The following DCDC2 variants were observed in gnomAD, a reference collection of about 807,000 sequenced individuals.
DCDC2 encodes doublecortin domain containing 2.
In DCDC2, 40 loss-of-function variants were observed where a neutral mutation model predicts 50.2. The ratio of observed to expected loss-of-function variants is 0.80; its 90% CI spans 0.62 to 1.04. DCDC2 has a LOEUF of 1.04. Among genes scored for constraint, DCDC2 ranks in the 50% least tolerant of loss-of-function variants. DCDC2 has a pLI of 0.00. For synonymous variants in DCDC2, 234 were observed against 210.6 expected (o/e 1.11, Z -0.96); for missense variants, 570 against 581.9 (o/e 0.98, Z 0.21).
Position 24,210,016 on chromosome 6 carries a change from CA to C in DCDC2, c.923-4915del, listed in dbSNP as rs1342318453. Among the ~76,000 whole-genome samples the C allele has an allele frequency of 4.7e-5, 5 of 105,866 alleles. No individual in the cohort carries two copies. In the South Asian group the frequency reaches 1.2e-3, roughly 25 times the overall value. The allele number at this position is 105,866 out of a possible 152,430, so 69.5% of individuals were successfully genotyped here. A position where few individuals can be genotyped will look rare whatever the true frequency, so the allele number is the denominator to read the frequency against. On this transcript the variant is annotated intron_variant, in intron 7 of 9. Coordinates refer to ENST00000378454, the MANE Select transcript of DCDC2 (RefSeq NM_016356.5). ...TTAGCAGCTTTTAATGCAGCAGTAT[CA>C]GGGTGTGTGTGTGTGTGTGTGTGTG...
At chr6:24,368,952 G>A in the DCDC2 span, among the ~76,000 whole-genome samples, 1 of 152,068 alleles carries the variant, frequency 6.6e-6, no homozygotes, top group Non-Finnish European at 1.5e-5. Flanking sequence ...TGGCCAACAT[G>A]GCGAAACCCC....
chr6:24,377,700 A>C, the DCDC2 span, among the ~76,000 whole-genome samples: 2 of 152,186 alleles, frequency 1.3e-5, no homozygotes, highest in Admixed American at 1.3e-4. Context: ...GAATGTATAG[A>C]GCATAGGCCG....
intron 8 of DCDC2, among the ~76,000 whole-genome samples, chr6:24,179,944 A>G (rs576451897): frequency 1.3e-5 from 1 of 76,168 alleles, no homozygotes; most frequent in South Asian, 6.7e-4. Flanking sequence ...ACAGAGCAAG[A>G]CTCCATCTCA....
intron 2 of DCDC2, among the ~76,000 whole-genome samples, chr6:24,313,749 A>G (rs1311299251): frequency 3.3e-5 from 5 of 152,226 alleles, no homozygotes; most frequent in Non-Finnish European, 5.9e-5. Context: ...AATACTATGA[A>G]AGCTGTGAAC....
chr6:24,332,065 C>A (rs139968115), intron 2 of DCDC2, among the ~76,000 whole-genome samples: 109 of 152,290 alleles, frequency 7.2e-4, no homozygotes, highest in African/African-American at 2.6e-3. Context: ...ATACTGACAT[C>A]TAAAGGCATG....
intron 6 of DCDC2, among the ~76,000 whole-genome samples, chr6:24,280,976 C>G (rs1389589944): frequency 6.6e-6 from 1 of 152,122 alleles, no homozygotes; most frequent in Non-Finnish European, 1.5e-5. Context: ...AACCCTGTAG[C>G]TCAGCAGGAT....
chr6:24,270,086 A>AG (rs1002857662), intron 7 of DCDC2, among the ~76,000 whole-genome samples: 2 of 152,164 alleles, frequency 1.3e-5, no homozygotes, highest in African/African-American at 4.8e-5. Context: ...TTATCACTGA[A>AG]GGAAGACAGG....
At chr6:24,231,816 G>T (rs1236556519) in intron 7 of DCDC2, among the ~76,000 whole-genome samples, 2 of 151,700 alleles carry the variant, frequency 1.3e-5, no homozygotes, top group Non-Finnish European at 2.9e-5. Context: ...TAATAAAAAG[G>T]CCTTCACCTC....
chr6:24,221,085 A>C (rs535202550), intron 7 of DCDC2, among the ~76,000 whole-genome samples: 3 of 152,270 alleles, frequency 2.0e-5, no homozygotes, highest in African/African-American at 7.2e-5. Context: ...GAGCCAAGCC[A>C]TATCATCCAC....
chr6:24,208,210 G>T (rs1030653611), intron 7 of DCDC2, among the ~76,000 whole-genome samples: 1 of 151,960 alleles, frequency 6.6e-6, no homozygotes, highest in Non-Finnish European at 1.5e-5. Context: ...TGTCTAGTTT[G>T]CCACTTCTAC....
intron 8 of DCDC2, among the ~76,000 whole-genome samples, chr6:24,182,423 G>C (rs974605309): frequency 6.6e-6 from 1 of 151,998 alleles, no homozygotes; most frequent in African/African-American, 2.4e-5. Context: ...ATAAAGGCTT[G>C]ATATCTAGAA....
At chr6:24,239,213 C>A (rs1286338369) in intron 7 of DCDC2, among the ~76,000 whole-genome samples, 2 of 152,252 alleles carry the variant, frequency 1.3e-5, no homozygotes, top group South Asian at 4.2e-4. Flanking sequence ...ACAATGGAGG[C>A]AAAGACAAAC....
At chr6:24,180,178 C>T (rs1761038193) in intron 8 of DCDC2, among the ~76,000 whole-genome samples, 2 of 152,148 alleles carry the variant, frequency 1.3e-5, no homozygotes, top group African/African-American at 4.8e-5. Flanking sequence ...TGGCACATCA[C>T]AGATCCTAAA....
At chr6:24,301,894 T>C in intron 3 of DCDC2, 48 bp from the exon 4 acceptor site, 1 of 1,613,210 alleles carries the variant, frequency 6.2e-7, no homozygotes, top group Non-Finnish European at 8.5e-7. Flanking sequence ...CCTTGAAAAC[T>C]ACAACACAAA....
chr6:24,369,527 T>G, the DCDC2 span, among the ~76,000 whole-genome samples: 2 of 151,828 alleles, frequency 1.3e-5, no homozygotes, highest in Non-Finnish European at 2.9e-5. Context: ...AGAGAATCGC[T>G]TGAACCTGGG....
Position 24,186,162 on chromosome 6 carries a change from A to G in DCDC2, c.1024-7530T>C, listed in dbSNP as rs565862938. Among the ~76,000 whole-genome samples the G allele has an allele frequency of 1.6e-4, 25 of 152,382 alleles. No homozygotes were observed. The South Asian group carries it at 5.0e-3, about 30-fold the overall frequency. On this transcript the variant is annotated intron_variant, in intron 8 of 9. Transcript: ENST00000378454. ...AATGTACAAACAAGACATACTAAAC[A>G]AGGATAATTTCCATAAATTAGTATA... is the stretch of plus-strand genomic sequence containing the variant.
At chr6:24,367,972 T>A in the DCDC2 span, among the ~76,000 whole-genome samples, 1 of 152,052 alleles carries the variant, frequency 6.6e-6, no homozygotes, top group African/African-American at 2.4e-5. Flanking sequence ...TTTTAAAAAA[T>A]TGTGAAGCAG....
intron 7 of DCDC2, among the ~76,000 whole-genome samples, chr6:24,258,225 T>C (rs1450211371): frequency 6.6e-6 from 1 of 152,158 alleles, no homozygotes; most frequent in Non-Finnish European, 1.5e-5. Context: ...AGAAAAACCC[T>C]TCCACAGCGT....
intron 2 of DCDC2, among the ~76,000 whole-genome samples, chr6:24,304,074 CTA>C (rs1759427742): frequency 6.6e-6 from 1 of 152,192 alleles, no homozygotes; most frequent in Non-Finnish European, 1.5e-5. Context: ...ATGTCATACT[CTA>C]GAGTACAATT....
Sources: gnomAD v4.1 joint callset for allele counts (sites outside exome capture counted in the v4.1 genomes callset) on GRCh38, gnomAD v4.1.1 for gene constraint, MANE v1.5 for transcripts, NCBI Gene and HGNC (gene_info 2026-07-23, HGNC 2026-07-21) for gene names.